MATN2: variants seen among roughly 807,000 people sequenced by gnomAD.
MATN2 encodes the protein matrilin-2.
Under a neutral mutation model 103.2 loss-of-function variants are expected in MATN2, and 69 were observed. The ratio of observed to expected loss-of-function variants is 0.67; its 90% CI spans 0.55 to 0.82. MATN2 has a LOEUF of 0.82. Among genes scored for constraint, MATN2 ranks in the 40% least tolerant of loss-of-function variants. The pLI is 0.00. For missense variants in MATN2, 1,023 were observed against 1,211.5 expected (o/e 0.84, Z 2.31); for synonymous variants, 429 against 450.2 (o/e 0.95, Z 0.60).
intron 2 of MATN2, among the ~76,000 whole-genome samples, chr8:97,901,024 G>C (rs868136897): frequency 6.6e-6 from 1 of 152,118 alleles, no homozygotes; most frequent in South Asian, 2.1e-4. Context: ...TAAATCTTTG[G>C]GACTTGGTGG....
chr8:97,946,484 C>T (rs1005530877), intron 4 of MATN2, among the ~76,000 whole-genome samples: 26 of 152,138 alleles, frequency 1.7e-4, no homozygotes, highest in African/African-American at 6.0e-4. Context: ...TATGTTCCTT[C>T]CTTTTCCCAT....
intron 2 of MATN2, among the ~76,000 whole-genome samples, chr8:97,916,636 T>C (rs1044449652): frequency 2.6e-5 from 4 of 152,182 alleles, no homozygotes; most frequent in African/African-American, 9.6e-5. Context: ...TTTCACAGCT[T>C]ATTTGTACTT....
chr8:98,009,609 TTC>T (rs888555371), intron 10 of MATN2, among the ~76,000 whole-genome samples: 7 of 152,142 alleles, frequency 4.6e-5, no homozygotes, highest in African/African-American at 1.7e-4. Context: ...GCACCTTGGG[TTC>T]TCTGGCCTCT....
chr8:97,987,032 A>G (rs1450100197), intron 6 of MATN2, among the ~76,000 whole-genome samples: 2 of 150,860 alleles, frequency 1.3e-5, no homozygotes, highest in African/African-American at 2.4e-5. Context: ...TAGTAGAGAC[A>G]GGGTTTCATC....
At chr8:97,898,608 A>G (rs2130020054) in intron 2 of MATN2, among the ~76,000 whole-genome samples, 1 of 152,130 alleles carries the variant, frequency 6.6e-6, no homozygotes, top group African/African-American at 2.4e-5. Flanking sequence ...AAAAAAAAAA[A>G]AAAAAAATAG....
At chr8:97,950,960 A>T (rs1810929809) in intron 4 of MATN2, 1 of 152,358 alleles carries the variant, frequency 6.6e-6, no homozygotes. Context: ...GGAGAAAGCG[A>T]GTGTGGAAAG....
intron 6 of MATN2, among the ~76,000 whole-genome samples, chr8:97,979,376 C>T (rs1009715769): frequency 1.3e-5 from 2 of 152,194 alleles, no homozygotes; most frequent in African/African-American, 4.8e-5. Flanking sequence ...TGGGCTTTAG[C>T]TCTGACTCCA....
chr8:97,955,352 T>C (rs1393195421), intron 4 of MATN2, among the ~76,000 whole-genome samples: 3 of 152,162 alleles, frequency 2.0e-5, no homozygotes, highest in Non-Finnish European at 4.4e-5. Context: ...TGATAGTGGC[T>C]CCATGGTGGC....
intron 2 of MATN2, among the ~76,000 whole-genome samples, chr8:97,918,390 G>A (rs1226889560): frequency 6.6e-6 from 1 of 152,196 alleles, no homozygotes; most frequent in Non-Finnish European, 1.5e-5. Context: ...GCCAGGCATC[G>A]ATGAAAGATG....
At chr8:98,018,379 G>A (rs1461368820) in intron 12 of MATN2, among the ~76,000 whole-genome samples, 1 of 152,114 alleles carries the variant, frequency 6.6e-6, no homozygotes, top group African/African-American at 2.4e-5. Context: ...GTAGCTGTGT[G>A]GGTGCCCGGA....
chr8:97,925,278 C>G (rs988381782), intron 2 of MATN2, among the ~76,000 whole-genome samples: 1 of 152,160 alleles, frequency 6.6e-6, no homozygotes, highest in African/African-American at 2.4e-5. Context: ...GCTATTGTTA[C>G]AGGTGCATAC....
intron 2 of MATN2, among the ~76,000 whole-genome samples, chr8:97,927,994 C>T (rs1286085965): frequency 6.6e-6 from 1 of 152,130 alleles, no homozygotes. Context: ...AAGCCTGGCC[C>T]CTCTTCTCAG....
intron 2 of MATN2, among the ~76,000 whole-genome samples, chr8:97,915,817 G>A (rs900952956): frequency 1.3e-5 from 2 of 152,068 alleles, no homozygotes; most frequent in African/African-American, 4.8e-5. Flanking sequence ...TACCTGTTTT[G>A]TTTCCTGGTG....
At chr8:97,885,614 T>C (rs553662694) in intron 1 of MATN2, among the ~76,000 whole-genome samples, 1 of 152,044 alleles carries the variant, frequency 6.6e-6, no homozygotes, top group South Asian at 2.1e-4. Flanking sequence ...GTTAAAGCTA[T>C]GAAAAGGGAT....
chr8:97,893,561 C>CTTATTTATTTATTTATTTAT (rs57936657), intron 2 of MATN2, among the ~76,000 whole-genome samples: 18 of 95,754 alleles, frequency 1.9e-4, no homozygotes, highest in East Asian at 8.3e-4. Context: ...CCAGAGTATT[C>CTTATTTATTTATTTATTTAT]TTATTTATTT....
intron 2 of MATN2, among the ~76,000 whole-genome samples, chr8:97,921,322 G>A (rs898945870): frequency 6.6e-6 from 1 of 152,210 alleles, no homozygotes; most frequent in African/African-American, 2.4e-5. Context: ...TAATATAGTA[G>A]AAGCAAGTTT....
intron 4 of MATN2, among the ~76,000 whole-genome samples, chr8:97,943,947 C>G (rs984938775): frequency 6.6e-6 from 1 of 152,230 alleles, no homozygotes; most frequent in African/African-American, 2.4e-5. Context: ...CCCCACACAG[C>G]AGAGTTTGCC....
intron 13 of MATN2, chr8:98,025,820 C>A: frequency 2.6e-6 from 1 of 386,558 alleles, no homozygotes; most frequent in South Asian, 1.9e-5. Flanking sequence ...TAACAAAAAG[C>A]CTCTCCACAC....
At chr8:97,997,369 TC>T (rs1374569091) in intron 7 of MATN2, among the ~76,000 whole-genome samples, 2 of 152,232 alleles carry the variant, frequency 1.3e-5, no homozygotes, top group African/African-American at 4.8e-5. Flanking sequence ...GAACAGGACT[TC>T]CTGCCTTAAC....
Sources: gnomAD v4.1 joint callset for allele counts (sites outside exome capture counted in the v4.1 genomes callset) on GRCh38, gnomAD v4.1.1 for gene constraint, MANE v1.5 for transcripts, NCBI Gene and HGNC (gene_info 2026-07-23, HGNC 2026-07-21) for gene names.